Variants in PARD3 observed in about 807,000 individuals in gnomAD.
The protein encoded by PARD3 is par-3 family cell polarity regulator.
In PARD3, 75 loss-of-function variants were observed where a neutral mutation model predicts 155.4. The observed-to-expected ratio is 0.48, with a 90% confidence interval of 0.40 to 0.58. PARD3 has a LOEUF of 0.58. Ranked by LOEUF, PARD3 falls within the 20% of genes least tolerant of loss-of-function variation. The pLI, the probability that PARD3 is intolerant of heterozygous loss-of-function variation, is 0.00. For synonymous variants in PARD3, 576 were observed against 610.5 expected, an observed-to-expected ratio of 0.94 and a Z score of 0.83; for missense variants, 1,642 against 1,721.7, an observed-to-expected ratio of 0.95 and a Z score of 0.82.
At position 34,696,349 on chromosome 10, in the gene PARD3, A is replaced by G. The variant is rs2094172375; in HGVS notation, c.191T>C (p.Ile64Thr). 1 of 1,611,718 alleles carries G rather than the reference A, an allele frequency of 6.2e-7. No homozygotes were observed. The highest frequency in any genetic ancestry group is 1.1e-5 in the South Asian group (1 of 91,044). Residue 64 changes from isoleucine (I) to threonine (T), a missense_variant, in exon 2 of 25, where the codon ATT becomes ACT. Ile to Thr is a moderately conservative substitution (Grantham distance 89). Transcript: ENST00000374788. ...GDGGILDLDD[I>T]LCDVADDKDR... The stretch of plus-strand genomic sequence containing the variant: ...TTTATCGTCTGCTACATCACAAAGA[A>G]TGTCATCAAGGTCTAGTATTCCTCC...
intron 2 of PARD3, among the ~76,000 whole-genome samples, chr10:34,619,555 A>G (rs1191556242): frequency 6.6e-6 from 1 of 151,960 alleles, no homozygotes; most frequent in East Asian, 1.9e-4. Flanking sequence ...TTCTTTTTTA[A>G]TTTTTATTTT....
chr10:34,499,746 T>C (rs1237953095), intron 3 of PARD3, among the ~76,000 whole-genome samples: 1 of 152,218 alleles, frequency 6.6e-6, no homozygotes, highest in African/African-American at 2.4e-5. Flanking sequence ...TTCCTTTTGA[T>C]GTCACTGCTA....
intron 22 of PARD3, among the ~76,000 whole-genome samples, chr10:34,133,389 G>A (rs1190523297): frequency 6.6e-6 from 1 of 152,164 alleles, no homozygotes; most frequent in Non-Finnish European, 1.5e-5. Context: ...GTCCTGTGAG[G>A]GGAGTCAGGG....
At chr10:34,662,331 T>C (rs904736589) in intron 2 of PARD3, among the ~76,000 whole-genome samples, 1 of 152,128 alleles carries the variant, frequency 6.6e-6, no homozygotes, top group Non-Finnish European at 1.5e-5. Flanking sequence ...ACAACCACAA[T>C]AGAAAACCAT....
chr10:34,215,524 A>G (rs1448001854), intron 22 of PARD3, among the ~76,000 whole-genome samples: 1 of 152,254 alleles, frequency 6.6e-6, no homozygotes, highest in African/African-American at 2.4e-5. Context: ...TTACAGAAAT[A>G]AGAAGTTACA....
intron 3 of PARD3, among the ~76,000 whole-genome samples, chr10:34,479,456 G>A (rs974065214): frequency 7.9e-5 from 12 of 152,028 alleles, no homozygotes; most frequent in African/African-American, 2.9e-4. Flanking sequence ...CGTGAGCCAC[G>A]GCACCCAGCC....
intron 4 of PARD3, 29 bp from the exon 5 acceptor site, chr10:34,450,477 T>C (rs756089415): frequency 1.9e-6 from 3 of 1,594,940 alleles, no homozygotes; most frequent in South Asian, 2.3e-5. Context: ...AAAGGTGTCT[T>C]GTAAAAAACC....
At chr10:34,112,972 C>T (rs1259388068) in intron 24 of PARD3, among the ~76,000 whole-genome samples, 1 of 152,160 alleles carries the variant, frequency 6.6e-6, no homozygotes, top group Non-Finnish European at 1.5e-5. Context: ...AGTTTATTTG[C>T]CTAAAGCACT....
intron 5 of PARD3, among the ~76,000 whole-genome samples, chr10:34,414,601 A>G (rs1403763157): frequency 1.3e-5 from 2 of 151,828 alleles, no homozygotes; most frequent in African/African-American, 4.8e-5. Context: ...CAATCACTTG[A>G]GCCCAGGAGT....
At chr10:34,742,827 C>T (rs968481669) in intron 1 of PARD3, among the ~76,000 whole-genome samples, 3 of 152,146 alleles carry the variant, frequency 2.0e-5, no homozygotes, top group Non-Finnish European at 4.4e-5. Context: ...CCATATTGAT[C>T]GTGAAGAATC....
chr10:34,332,061 G>C (rs1835676088), intron 18 of PARD3, among the ~76,000 whole-genome samples: 1 of 152,188 alleles, frequency 6.6e-6, no homozygotes, highest in South Asian at 2.1e-4. Context: ...CTATCTCTAG[G>C]CCTGGGAACA....
intron 1 of PARD3, among the ~76,000 whole-genome samples, chr10:34,807,351 G>A (rs1001986252): frequency 6.6e-6 from 1 of 152,198 alleles, no homozygotes; most frequent in Non-Finnish European, 1.5e-5. Flanking sequence ...GTTCATAGTG[G>A]CTTATGCAGT....
chr10:34,525,972 T>C (rs1347622961), intron 2 of PARD3, among the ~76,000 whole-genome samples: 1 of 149,998 alleles, frequency 6.7e-6, no homozygotes, highest in African/African-American at 2.5e-5. Flanking sequence ...TCTCAGCTAC[T>C]CGGGAGGCTG....
chr10:34,222,510 A>C (rs974657709), intron 22 of PARD3, among the ~76,000 whole-genome samples: 2 of 152,244 alleles, frequency 1.3e-5, no homozygotes, highest in African/African-American at 4.8e-5. Context: ...GTGAAAACAC[A>C]AACAGCAGCA....
chr10:34,284,527 CTT>C (rs1956296946), intron 20 of PARD3, among the ~76,000 whole-genome samples: 1 of 152,116 alleles, frequency 6.6e-6, no homozygotes, highest in South Asian at 2.1e-4. Context: ...GTGGTTTATC[CTT>C]ATTAAACAAT....
At chr10:34,646,844 G>A (rs1312822682) in intron 2 of PARD3, among the ~76,000 whole-genome samples, 6 of 151,954 alleles carry the variant, frequency 3.9e-5, no homozygotes, top group African/African-American at 9.7e-5. Context: ...CTTCAGCTAC[G>A]ATTTTTTATT....
At chr10:34,307,572 G>A (rs1414189100) in intron 20 of PARD3, among the ~76,000 whole-genome samples, 1 of 152,156 alleles carries the variant, frequency 6.6e-6, no homozygotes, top group African/African-American at 2.4e-5. Context: ...ATGACTTAGT[G>A]CTATAAACCC....
chr10:34,210,848 C>CT (rs1166479056), intron 22 of PARD3, among the ~76,000 whole-genome samples: 1 of 152,108 alleles, frequency 6.6e-6, no homozygotes, highest in Non-Finnish European at 1.5e-5. Context: ...CTTGACTTTT[C>CT]AACACAGTGT....
intron 5 of PARD3, among the ~76,000 whole-genome samples, chr10:34,403,912 GATTC>G (rs1844164903): frequency 6.6e-6 from 1 of 151,980 alleles, no homozygotes; most frequent in South Asian, 2.1e-4. Context: ...TTTTTTTCAG[GATTC>G]ATTAATAATT....
Sources: allele counts gnomAD v4.1 joint callset (sites outside exome capture counted in the v4.1 genomes callset), GRCh38; gene constraint gnomAD v4.1.1; transcripts MANE v1.5; gene names NCBI Gene and HGNC (gene_info 2026-07-23, HGNC 2026-07-21).